MPPED2: variants seen among roughly 807,000 people sequenced by gnomAD.
MPPED2 encodes the protein metallophosphoesterase MPPED2.
A neutral mutation model predicts 33.0 loss-of-function variants in MPPED2; 5 were observed. The ratio of observed to expected loss-of-function variants is 0.15; its 90% CI spans 0.08 to 0.32. The LOEUF (loss-of-function observed/expected upper bound fraction) is 0.32, where lower values mean the gene tolerates loss of function less well. MPPED2 is among the 10% of genes least tolerant of loss of function. The pLI is 1.00. For missense variants in MPPED2, 275 were observed against 372.1 expected (o/e 0.74, Z 2.15); for synonymous variants, 136 against 141.9 (o/e 0.96, Z 0.29).
intron 2 of MPPED2, among the ~76,000 whole-genome samples, chr11:30,553,844 T>C (rs1955836505): frequency 6.6e-6 from 1 of 152,120 alleles, no homozygotes; most frequent in African/African-American, 2.4e-5. Flanking sequence ...GCAGAATTAT[T>C]GTCAACAAGA....
At chr11:30,398,958 C>T (rs148124204) in intron 6 of MPPED2, among the ~76,000 whole-genome samples, 81 of 152,086 alleles carry the variant, frequency 5.3e-4, no homozygotes, top group East Asian at 9.7e-4. Flanking sequence ...AATGTGAGGA[C>T]GATCATACAT....
At position 30,389,030 on chromosome 11, in the gene MPPED2, C is replaced by T. The variant is rs565372697; in HGVS notation, c.767-74G>A. The T allele has an allele frequency of 3.4e-6, 5 of 1,477,250 alleles. No homozygotes were observed. The East Asian group carries it at 1.0e-4, about 30-fold the overall frequency. The allele number at this position is 1,477,250 out of a possible 1,614,324, so 91.5% of individuals were successfully genotyped here. A position where few individuals can be genotyped will look rare whatever the true frequency, so the allele number is the denominator to read the frequency against. ...CATGACCTAAATTATTCAGTTTTCT[C>T]TCTGATGGTGTCTTGATTACCTTCC... On this transcript the variant is annotated intron_variant, in intron 6 of 6. Transcript: ENST00000448418.
chr11:30,475,255 A>T (rs947816144), intron 4 of MPPED2, among the ~76,000 whole-genome samples: 2 of 152,220 alleles, frequency 1.3e-5, no homozygotes, highest in Non-Finnish European at 2.9e-5. Flanking sequence ...AGAAGATGAC[A>T]TTCAGCCGAA....
intron 4 of MPPED2, among the ~76,000 whole-genome samples, chr11:30,468,406 T>C (rs1590399399): frequency 6.6e-6 from 1 of 152,212 alleles, no homozygotes; most frequent in East Asian, 1.9e-4. Context: ...GTAAGAACTA[T>C]AGTTGTTCTG....
chr11:30,391,731 G>C (rs765875353), intron 6 of MPPED2, among the ~76,000 whole-genome samples: 1 of 152,132 alleles, frequency 6.6e-6, no homozygotes, highest in African/African-American at 2.4e-5. Context: ...ACTGAAAAGT[G>C]TTGTTTGAAA....
chr11:30,555,644 G>A (rs561674530), intron 2 of MPPED2, among the ~76,000 whole-genome samples: 41 of 152,248 alleles, frequency 2.7e-4, no homozygotes, highest in Admixed American at 2.4e-3. Context: ...TCTCTTTCCT[G>A]CCACCATGTA....
At chr11:30,436,384 A>T (rs1025565831) in intron 4 of MPPED2, among the ~76,000 whole-genome samples, 1 of 152,180 alleles carries the variant, frequency 6.6e-6, no homozygotes, top group African/African-American at 2.4e-5. Context: ...AAGAACTTGC[A>T]CTTCTAACAA....
intron 2 of MPPED2, among the ~76,000 whole-genome samples, chr11:30,566,103 C>T (rs1223609824): frequency 6.6e-6 from 1 of 152,046 alleles, no homozygotes; most frequent in East Asian, 1.9e-4. Flanking sequence ...CCCATGATGA[C>T]AGATGACCCG....
Position 30,495,448 on chromosome 11 carries a change from T to G in MPPED2, c.384A>C (p.Ala128=). ...HELTFDKEFM[A]DLVKQDYYRF... is the part of the protein sequence containing the mutation. Reference sequence around the variant, plus strand: ...GGTAGTAGTCCTGTTTAACAAGGTCTGCCATGAATTCCTTATCAAATGTCA... The same window carrying G: ...GGTAGTAGTCCTGTTTAACAAGGTCGGCCATGAATTCCTTATCAAATGTCA... Residue 128 remains alanine (A), a synonymous_variant, in exon 4 of 7, where the codon GCA becomes GCC. Coordinates refer to ENST00000358117, the MANE Select transcript of MPPED2 (RefSeq NM_001584.3). 1 of 1,614,218 alleles carries G rather than the reference T, an allele frequency of 6.2e-7. No individual in the cohort carries two copies. Among genetic ancestry groups the G allele is most frequent in the East Asian group, 2.2e-5 (1 of 44,880 alleles).
At chr11:30,530,182 A>G (rs976960618) in intron 3 of MPPED2, among the ~76,000 whole-genome samples, 1 of 152,222 alleles carries the variant, frequency 6.6e-6, no homozygotes, top group Admixed American at 6.5e-5. Context: ...ATAGGAATCA[A>G]CAACAACAGC....
chr11:30,472,058 T>C (rs1950972846), intron 4 of MPPED2, among the ~76,000 whole-genome samples: 1 of 152,198 alleles, frequency 6.6e-6, no homozygotes, highest in Admixed American at 6.5e-5. Context: ...ATCTACAGAA[T>C]ATGTCTCTCA....
At chr11:30,507,975 A>T (rs1952934498) in intron 3 of MPPED2, among the ~76,000 whole-genome samples, 1 of 152,238 alleles carries the variant, frequency 6.6e-6, no homozygotes, top group Non-Finnish European at 1.5e-5. Context: ...CTACATTTTC[A>T]TTCCTTACTC....
chr11:30,438,786 G>A (rs1949434564), intron 4 of MPPED2, among the ~76,000 whole-genome samples: 2 of 152,178 alleles, frequency 1.3e-5, no homozygotes, highest in African/African-American at 4.8e-5. Flanking sequence ...GAGAAGAGTA[G>A]GATGCCCTAA....
intron 2 of MPPED2, among the ~76,000 whole-genome samples, chr11:30,577,653 C>T (rs1195807965): frequency 6.6e-6 from 1 of 152,178 alleles, no homozygotes; most frequent in Non-Finnish European, 1.5e-5. Flanking sequence ...TTAAATCCAA[C>T]CAAGATCCCT....
At chr11:30,484,544 C>T (rs1217601928) in intron 4 of MPPED2, among the ~76,000 whole-genome samples, 1 of 152,118 alleles carries the variant, frequency 6.6e-6, no homozygotes, top group African/African-American at 2.4e-5. Context: ...GGTGTTGGAG[C>T]AGCCCTCATG....
At chr11:30,518,264 T>G (rs148376904) in intron 3 of MPPED2, among the ~76,000 whole-genome samples, 251 of 152,330 alleles carry the variant, frequency 1.6e-3, no homozygotes, top group African/African-American at 5.7e-3. Flanking sequence ...GGGCTGTCTC[T>G]AATAGTCACC....
At chr11:30,474,442 T>G (rs564477080) in intron 4 of MPPED2, among the ~76,000 whole-genome samples, 88 of 152,270 alleles carry the variant, frequency 5.8e-4, no homozygotes, top group African/African-American at 2.0e-3. Flanking sequence ...ACACCAATTT[T>G]CCTTTGAAAA....
chr11:30,495,685 CA>C (rs1391315842), intron 3 of MPPED2, among the ~76,000 whole-genome samples, 164 bp from the exon 4 acceptor site: 1 of 152,136 alleles, frequency 6.6e-6, no homozygotes, highest in African/African-American at 2.4e-5. Flanking sequence ...TTTATGCTAA[CA>C]AAAATGACAA....
At chr11:30,477,518 A>AT (rs35920997) in intron 4 of MPPED2, among the ~76,000 whole-genome samples, 49 of 151,340 alleles carry the variant, frequency 3.2e-4, no homozygotes, top group Non-Finnish European at 5.5e-4. Flanking sequence ...AATTAGATAG[A>AT]TTTTTTTTTC....
Sources: gnomAD v4.1 joint callset for allele counts (sites outside exome capture counted in the v4.1 genomes callset) on GRCh38, gnomAD v4.1.1 for gene constraint, MANE v1.5 for transcripts, NCBI Gene and HGNC (gene_info 2026-07-23, HGNC 2026-07-21) for gene names.